Variants in ASF1B observed in about 807,000 individuals in gnomAD.
ASF1B encodes anti-silencing function 1B histone chaperone, also known as histone chaperone ASF1B.
Under a neutral mutation model 16.6 loss-of-function variants are expected in ASF1B, and 10 were observed. That is an observed-to-expected ratio of 0.60 (90% CI 0.37 to 1.02). The LOEUF (loss-of-function observed/expected upper bound fraction) is 1.02, where lower values mean the gene tolerates loss of function less well. Among genes scored for constraint, ASF1B ranks in the 50% least tolerant of loss-of-function variants. The pLI, the probability that ASF1B is intolerant of heterozygous loss-of-function variation, is 0.01. For synonymous variants in ASF1B, 101 were observed against 106.2 expected (o/e 0.95, Z 0.30); for missense variants, 240 against 266.0 (o/e 0.90, Z 0.68).
chr19:14,136,335 G>C lies in ASF1B; in HGVS notation c.109+13C>G. 1 of 1,611,150 alleles carries C rather than the reference G, an allele frequency of 6.2e-7. No individual in the cohort carries two copies. The highest frequency in any genetic ancestry group is 8.5e-7 in the Non-Finnish European group (1 of 1,177,976). ...GCCCGGGGGTGGGGGTCCCCGCACA[G>C]GCCCAGCCTCACCGTCCGCCAGGGC... On this transcript the variant is annotated intron_variant, in intron 1 of 3. Transcript: ENST00000263382.
intron 1 of ASF1B, among the ~76,000 whole-genome samples, chr19:14,128,250 C>T (rs1967347234): frequency 6.6e-6 from 1 of 152,196 alleles, no homozygotes; most frequent in Admixed American, 6.5e-5. Flanking sequence ...CTGCCCTGTT[C>T]CTTGGTCCAG....
At chr19:14,123,677 CCTT>C (rs946108777) in intron 2 of ASF1B, among the ~76,000 whole-genome samples, 25 of 151,564 alleles carry the variant, frequency 1.6e-4, no homozygotes, top group African/African-American at 6.1e-4. Flanking sequence ...ACTGCACCGG[CCTT>C]CTTTTTTTAA....
intron 2 of ASF1B, among the ~76,000 whole-genome samples, chr19:14,125,499 G>A (rs1967304909): frequency 6.6e-6 from 1 of 151,284 alleles, no homozygotes; most frequent in South Asian, 2.1e-4. Context: ...GACGGCCTCT[G>A]AGAGGTCAGA....
chr19:14,130,082 G>A (rs1246102360), intron 1 of ASF1B, among the ~76,000 whole-genome samples: 1 of 151,592 alleles, frequency 6.6e-6, no homozygotes, highest in African/African-American at 2.4e-5. Context: ...ATTTTGACAT[G>A]GAGTCTCACT....
chr19:14,128,946 T>C (rs1038084587), intron 1 of ASF1B, among the ~76,000 whole-genome samples: 3 of 152,094 alleles, frequency 2.0e-5, no homozygotes, highest in Admixed American at 6.6e-5. Context: ...CCTGGGAAGG[T>C]AGACAAAAAA....
chr19:14,133,151 A>G (rs1240278379), intron 1 of ASF1B, among the ~76,000 whole-genome samples: 1 of 147,112 alleles, frequency 6.8e-6, no homozygotes, highest in Non-Finnish European at 1.5e-5. Flanking sequence ...TAAATAAATA[A>G]ATAATAATAA....
chr19:14,128,384 C>T (rs1026249147), intron 1 of ASF1B, among the ~76,000 whole-genome samples: 4 of 152,180 alleles, frequency 2.6e-5, no homozygotes, highest in African/African-American at 9.6e-5. Flanking sequence ...TGGTTTCACT[C>T]AGGAACCCTA....
intron 1 of ASF1B, among the ~76,000 whole-genome samples, chr19:14,134,084 G>A (rs1319210045): frequency 6.6e-6 from 1 of 151,990 alleles, no homozygotes; most frequent in Non-Finnish European, 1.5e-5. Context: ...GATTACAGGC[G>A]TGAGCCACCG....
chr19:14,128,594 C>T (rs1967352455), intron 1 of ASF1B, among the ~76,000 whole-genome samples: 1 of 152,230 alleles, frequency 6.6e-6, no homozygotes, highest in Non-Finnish European at 1.5e-5. Context: ...CTTGCCTTAG[C>T]CTCCCAAGTA....
intron 1 of ASF1B, among the ~76,000 whole-genome samples, chr19:14,126,854 G>A (rs563182263): frequency 1.3e-5 from 2 of 152,256 alleles, no homozygotes; most frequent in East Asian, 3.9e-4. Flanking sequence ...TGATCTGCCC[G>A]CCTCAGCCTT....
chr19:14,123,825 C>T (rs112792192), intron 2 of ASF1B, among the ~76,000 whole-genome samples: 3,778 of 144,864 alleles, frequency 0.026, 162 homozygotes, highest in African/African-American at 0.092. Flanking sequence ...GGGTCTCACT[C>T]TGTTGCCCAG....
chr19:14,136,325 TC>T (rs762855379), intron 1 of ASF1B, 22 bp downstream of exon 1: 1 of 1,594,582 alleles, frequency 6.3e-7, no homozygotes, highest in Non-Finnish European at 8.6e-7. Context: ...GGGGTGGGGG[TC>T]CCCGCACAGG....
Position 14,132,008 on chromosome 19 carries a change from CTTAGGGG to C in ASF1B, c.109+4333_109+4339del, listed in dbSNP as rs1460116394. ...AGAAATAGGGGTCACCCAACTGGGG[CTTAGGGG>C]TTAGGGTGGTTTTTTTTTTTTTTTT... On this transcript the variant is annotated intron_variant, in intron 1 of 3. Transcript: ENST00000263382. Among the ~76,000 whole-genome samples, 7 of 144,428 alleles carry C rather than the reference CTTAGGGG, an allele frequency of 4.8e-5. No homozygotes were observed. The South Asian group carries it at 6.6e-4, about 14-fold the overall frequency. 94.8% of individuals were successfully genotyped at this position (144,428 alleles called of 152,430 possible).
At chr19:14,122,927 C>T (rs761809315) in intron 2 of ASF1B, among the ~76,000 whole-genome samples, 7 of 152,194 alleles carry the variant, frequency 4.6e-5, no homozygotes, top group Non-Finnish European at 1.0e-4. Context: ...GGAGCCGTGA[C>T]AGGAGACTGT....
chr19:14,131,263 C>A (rs974635884), intron 1 of ASF1B, among the ~76,000 whole-genome samples: 6 of 151,360 alleles, frequency 4.0e-5, no homozygotes, highest in African/African-American at 1.5e-4. Context: ...CAGCTCACTG[C>A]AACCTCTGCC....
chr19:14,122,419 G>A (rs1486710112), intron 2 of ASF1B, among the ~76,000 whole-genome samples: 2 of 151,470 alleles, frequency 1.3e-5, no homozygotes, highest in Non-Finnish European at 2.9e-5. Context: ...AGGCTGGAGT[G>A]CAATGGCGCC....
intron 1 of ASF1B, among the ~76,000 whole-genome samples, chr19:14,135,467 T>C (rs1042676522): frequency 1.3e-5 from 2 of 151,772 alleles, no homozygotes; most frequent in Non-Finnish European, 2.9e-5. Context: ...AGCTCAAGCA[T>C]AGGGGGGTTG....
In ASF1B at chr19:14,120,214, A is replaced by C. The variant is rs1205639266; in HGVS notation, c.*245T>G. On this transcript the variant is annotated 3_prime_UTR_variant, in exon 4 of 4. Coordinates refer to ENST00000263382, the MANE Select transcript of ASF1B (RefSeq NM_018154.3). ...GCCTTAGTTAGAATTTATGAAGACG[A>C]AAAGAACACAAGTCAGAATTTAGAA... 4 of 495,424 alleles carry C rather than the reference A, an allele frequency of 8.1e-6. No individual in the cohort carries two copies. Among genetic ancestry groups the C allele is most frequent in the Non-Finnish European group, 1.4e-5 (4 of 282,234 alleles). The allele number at this position is 495,424 out of a possible 1,614,324, so 30.7% of individuals were successfully genotyped here.
At chr19:14,129,849 T>C (rs1967375097) in intron 1 of ASF1B, among the ~76,000 whole-genome samples, 1 of 149,712 alleles carries the variant, frequency 6.7e-6, no homozygotes, top group Non-Finnish European at 1.5e-5. Flanking sequence ...AAGTTCGAGA[T>C]CAGCCTGGGC....
Sources: gnomAD v4.1 joint callset for allele counts (sites outside exome capture counted in the v4.1 genomes callset) on GRCh38, gnomAD v4.1.1 for gene constraint, MANE v1.5 for transcripts, NCBI Gene and HGNC (gene_info 2026-07-23, HGNC 2026-07-21) for gene names.